CACNA1E: variants seen among roughly 807,000 people sequenced by gnomAD.
CACNA1E encodes the protein calcium voltage-gated channel subunit alpha1 E.
Under a neutral mutation model 259.2 loss-of-function variants are expected in CACNA1E, and 40 were observed. The observed-to-expected ratio is 0.15, with a 90% CI of 0.12 to 0.20. The LOEUF is 0.20. Among genes scored for constraint, CACNA1E ranks in the 10% least tolerant of loss-of-function variants. CACNA1E has a pLI of 1.00. For synonymous variants in CACNA1E, 1,104 were observed against 1,138.5 expected, an observed-to-expected ratio of 0.97 and a Z score of 0.61; for missense variants, 1,874 against 3,040.1, an observed-to-expected ratio of 0.62 and a Z score of 9.02.
rs1359984363 is a variant in CACNA1E, at chr1:181,805,264, T to C, written c.*6430T>C. 3 of 152,242 alleles carry C rather than the reference T, an allele frequency of 2.0e-5. No individual in the cohort carries two copies. The highest frequency in any genetic ancestry group is 7.2e-5 in the African/African-American group (3 of 41,456). 9.4% of individuals were successfully genotyped at this position (152,242 alleles called of 1,614,324 possible). On this transcript the variant is annotated 3_prime_UTR_variant, in exon 48 of 48. Transcript: ENST00000367573. Reference sequence around the variant, plus strand: ...AATATACCAAATCCGAATTTGACTTTATTTGATGACTCAATATTTTCCTTC... The same window carrying C: ...AATATACCAAATCCGAATTTGACTTCATTTGATGACTCAATATTTTCCTTC...
chr1:181,719,933 C>T, intron 13 of CACNA1E, 70 bp downstream of exon 13: 1 of 915,292 alleles, frequency 1.1e-6, no homozygotes. Flanking sequence ...CTTATATTTT[C>T]TTCCATCTTC....
At chr1:181,551,876 C>T (rs913757018) in intron 3 of CACNA1E, among the ~76,000 whole-genome samples, 2 of 150,068 alleles carry the variant, frequency 1.3e-5, no homozygotes, top group Non-Finnish European at 3.0e-5. Context: ...CTCATTCTCT[C>T]CATCTTTCCT....
At chr1:181,616,522 C>A (rs1266224394) in intron 6 of CACNA1E, among the ~76,000 whole-genome samples, 1 of 152,042 alleles carries the variant, frequency 6.6e-6, no homozygotes, top group Admixed American at 6.6e-5. Flanking sequence ...ACCATCCTGG[C>A]CAACATGGTG....
chr1:181,612,869 T>C (rs1654875014), intron 6 of CACNA1E, among the ~76,000 whole-genome samples: 1 of 152,230 alleles, frequency 6.6e-6, no homozygotes, highest in South Asian at 2.1e-4. Context: ...TTCTAGAAGT[T>C]TTATTGGTTT....
At chr1:181,352,448 A>G (rs1653110694) in intron 1 of CACNA1E, among the ~76,000 whole-genome samples, 1 of 152,260 alleles carries the variant, frequency 6.6e-6, no homozygotes, top group South Asian at 2.1e-4. Context: ...GACAAGATCA[A>G]GTAAATAAGC....
At position 181,776,829 on chromosome 1, in the gene CACNA1E, C is replaced by T. The variant is rs571510134; in HGVS notation, c.5267+601C>T. ...CTGTTTAGTAGTTCTGAAGTGATAGCGTGCCTTCTAGGCTCTAGAGCAGGG... is the reference window on the plus strand; with the variant it reads ...CTGTTTAGTAGTTCTGAAGTGATAGTGTGCCTTCTAGGCTCTAGAGCAGGG... On this transcript the variant is annotated intron_variant, in intron 38 of 47. Coordinates refer to ENST00000367573, the MANE Select transcript of CACNA1E (RefSeq NM_001205293.3). This position sits in a 1 kb window ranked among gnomAD's most constrained non-coding sequence, Gnocchi z 4.4. Among the ~76,000 whole-genome samples the T allele has an allele frequency of 6.6e-6, 1 of 152,182 alleles. No homozygotes were observed.
chr1:181,610,044 T>C (rs1384845352), intron 6 of CACNA1E, among the ~76,000 whole-genome samples: 3 of 152,164 alleles, frequency 2.0e-5, no homozygotes, highest in East Asian at 1.9e-4. Flanking sequence ...ACAGTATTCA[T>C]TGGATGGTGA....
At chr1:181,319,021 C>G (rs767327383) in intron 1 of CACNA1E, among the ~76,000 whole-genome samples, 6 of 152,206 alleles carry the variant, frequency 3.9e-5, no homozygotes, top group Non-Finnish European at 7.3e-5. Context: ...AACCCACCGA[C>G]GTCTCCCTTG....
At chr1:181,770,020 A>AAAAACAGCATTG (rs1659367707) in intron 35 of CACNA1E, among the ~76,000 whole-genome samples, 1 of 152,144 alleles carries the variant, frequency 6.6e-6, no homozygotes, top group Non-Finnish European at 1.5e-5. Flanking sequence ...CCTGAGAGAC[A>AAAAACAGCATTG]AGTAGTATTT....
chr1:181,398,639 C>T (rs1451901338), intron 1 of CACNA1E, among the ~76,000 whole-genome samples: 1 of 152,192 alleles, frequency 6.6e-6, no homozygotes, highest in African/African-American at 2.4e-5. Flanking sequence ...GCGGAGTGCC[C>T]TCCCTCCATG....
intron 41 of CACNA1E, 45 bp from the exon 42 acceptor site, chr1:181,785,273 A>G (rs754022991): frequency 2.6e-6 from 3 of 1,143,654 alleles, no homozygotes; most frequent in South Asian, 1.3e-5. Context: ...ACTCTCTCCC[A>G]TTATCTACTC....
At position 181,720,118 on chromosome 1, in the gene CACNA1E, C is replaced by G. The variant is rs1423652836; in HGVS notation, c.1752-88C>G. ...ACAAATATACAAATGCAGCTTATTT[C>G]ATAGACTACCAGGCATATGCTGAGC... is the stretch of plus-strand genomic sequence containing the variant. On this transcript the variant is annotated intron_variant, in intron 13 of 47. Transcript: ENST00000367573. 3 of 1,457,704 alleles carry G rather than the reference C, an allele frequency of 2.1e-6. No individual in the cohort carries two copies. In the South Asian group the frequency reaches 3.7e-5, roughly 18 times the overall value. The allele number at this position is 1,457,704 out of a possible 1,614,324, so 90.3% of individuals were successfully genotyped here.
At chr1:181,741,493 G>A (rs1656569562) in intron 25 of CACNA1E, among the ~76,000 whole-genome samples, 1 of 152,172 alleles carries the variant, frequency 6.6e-6, no homozygotes, top group African/African-American at 2.4e-5. Flanking sequence ...AGTACATATT[G>A]ATGCACAATG....
intron 1 of CACNA1E, among the ~76,000 whole-genome samples, chr1:181,378,291 A>T (rs1428399420): frequency 6.6e-6 from 1 of 152,270 alleles, no homozygotes; most frequent in African/African-American, 2.4e-5. Flanking sequence ...GGTATATGAG[A>T]TAAGAGTTTG....
At chr1:181,387,595 G>A (rs564344344) in intron 1 of CACNA1E, among the ~76,000 whole-genome samples, 2 of 152,278 alleles carry the variant, frequency 1.3e-5, no homozygotes, top group East Asian at 3.9e-4. Flanking sequence ...GAAGGCCCAC[G>A]ACACGGTGCC....
At chr1:181,499,498 T>C (rs1665057586) in intron 1 of CACNA1E, among the ~76,000 whole-genome samples, 1 of 152,226 alleles carries the variant, frequency 6.6e-6, no homozygotes, top group African/African-American at 2.4e-5. Flanking sequence ...TCTCAGCATC[T>C]ACATCTGTAA....
At chr1:181,556,801 G>C (rs1431306800) in intron 3 of CACNA1E, among the ~76,000 whole-genome samples, 1 of 152,174 alleles carries the variant, frequency 6.6e-6, no homozygotes, top group Non-Finnish European at 1.5e-5. Context: ...ACAGAGTGAA[G>C]ATCAAAGTGT....
intron 32 of CACNA1E, 149 bp downstream of exon 32, chr1:181,759,017 G>C (rs1658341154): frequency 1.7e-6 from 1 of 583,882 alleles, no homozygotes; most frequent in Admixed American, 3.2e-5. Context: ...AACTGCCGTA[G>C]AGACAAGATG....
At chr1:181,430,752 G>C (rs542859952) in intron 2 of CACNA1E, among the ~76,000 whole-genome samples, 4 of 152,300 alleles carry the variant, frequency 2.6e-5, no homozygotes, top group Non-Finnish European at 4.4e-5. Flanking sequence ...AGCTTTAGCT[G>C]TCTGCCCAAC....
Sources: allele counts gnomAD v4.1 joint callset (sites outside exome capture counted in the v4.1 genomes callset), GRCh38; gene constraint gnomAD v4.1.1; non-coding constraint Gnocchi (gnomAD v3.1); transcripts MANE v1.5; gene names NCBI Gene and HGNC (gene_info 2026-07-23, HGNC 2026-07-21).